The following FBXW7 variants were observed in gnomAD, a reference collection of about 807,000 sequenced individuals.
FBXW7 encodes F-box/WD repeat-containing protein 7.
Under a neutral mutation model 86.3 loss-of-function variants are expected in FBXW7, and 11 were observed. The ratio of observed to expected loss-of-function variants is 0.13; its 90% CI spans 0.08 to 0.21. FBXW7 has a LOEUF of 0.21. Among genes scored for constraint, FBXW7 ranks in the 10% least tolerant of loss-of-function variants. The pLI is 1.00. For missense variants in FBXW7, 488 were observed against 847.4 expected, an observed-to-expected ratio of 0.58 and a Z score of 5.27; for synonymous variants, 313 against 297.9, an observed-to-expected ratio of 1.05 and a Z score of -0.52.
At chr4:152,433,930 GA>G in intron 2 of FBXW7, among the ~76,000 whole-genome samples, 1 of 152,274 alleles carries the variant, frequency 6.6e-6, no homozygotes, top group Admixed American at 6.5e-5. Context: ...GGAAGTAACA[GA>G]ATACAGTTGT....
rs113907074 is a variant in FBXW7 at position 152,359,392 on chromosome 4, C to T, written c.502-9268G>A. Among the ~76,000 whole-genome samples, 101 of 151,974 alleles carry T rather than the reference C, an allele frequency of 6.6e-4. 1 individual carries two copies. The highest frequency in any genetic ancestry group is 1.2e-3 in the African/African-American group (51 of 41,460). On this transcript the variant is annotated intron_variant, in intron 4 of 13. Transcript: ENST00000281708. ...GAGGCAGGAGGATCATTTGAGGCTA[C>T]GAGTTCAAGACCAGCCTGGGCAATA...
chr4:152,400,669 C>T (rs1348860872), intron 4 of FBXW7, among the ~76,000 whole-genome samples: 1 of 152,038 alleles, frequency 6.6e-6, no homozygotes, highest in South Asian at 2.1e-4. Context: ...TTAGATACAA[C>T]AATACAATAC....
chr4:152,523,974 G>C (rs1296947130), intron 2 of FBXW7, among the ~76,000 whole-genome samples: 1 of 152,146 alleles, frequency 6.6e-6, no homozygotes, highest in Non-Finnish European at 1.5e-5. Context: ...ATAGTAACAC[G>C]TTCAGGAGCA....
At chr4:152,530,180 T>C (rs1169447217) in intron 2 of FBXW7, 1 of 151,926 alleles carries the variant, frequency 6.6e-6, no homozygotes, top group Non-Finnish European at 1.5e-5. Flanking sequence ...AGTACACATT[T>C]AAATGATTTA....
chr4:152,440,553 T>C (rs1338794912), intron 2 of FBXW7, among the ~76,000 whole-genome samples: 1 of 152,238 alleles, frequency 6.6e-6, no homozygotes, highest in South Asian at 2.1e-4. Context: ...TATTTAAGTT[T>C]ACCTGAAATT....
intron 7 of FBXW7, among the ~76,000 whole-genome samples, chr4:152,336,743 G>T (rs1238673838): frequency 6.6e-6 from 1 of 151,964 alleles, no homozygotes; most frequent in Non-Finnish European, 1.5e-5. Context: ...AGGAAGAAAA[G>T]ATTTTCTCCA....
At chr4:152,463,999 G>T (rs550227211) in intron 2 of FBXW7, among the ~76,000 whole-genome samples, 1 of 152,252 alleles carries the variant, frequency 6.6e-6, no homozygotes, top group South Asian at 2.1e-4. Context: ...AAAAAGACAG[G>T]AATGGATGAA....
At chr4:152,427,972 G>T (rs1462470016) in intron 2 of FBXW7, among the ~76,000 whole-genome samples, 1 of 152,120 alleles carries the variant, frequency 6.6e-6, no homozygotes, top group Non-Finnish European at 1.5e-5. Context: ...AAATTTTAAG[G>T]ACCATCGACC....
At chr4:152,479,338 T>A (rs1389098441) in intron 2 of FBXW7, among the ~76,000 whole-genome samples, 1 of 152,170 alleles carries the variant, frequency 6.6e-6, no homozygotes, top group Non-Finnish European at 1.5e-5. Flanking sequence ...AGTATCTTGA[T>A]GTTTTCTCAA....
At chr4:152,405,817 C>T (rs1054603137) in intron 4 of FBXW7, among the ~76,000 whole-genome samples, 5 of 151,760 alleles carry the variant, frequency 3.3e-5, no homozygotes, top group Non-Finnish European at 7.4e-5. Context: ...TATCCACTGA[C>T]CAGAAGATGG....
At chr4:152,323,557 T>G in intron 13 of FBXW7, 1 of 188,602 alleles carries the variant, frequency 5.3e-6, no homozygotes, top group Non-Finnish European at 1.1e-5. Context: ...ATTCCAAAAC[T>G]CTGAGGAGAG....
At chr4:152,367,706 TA>T (rs1419417850) in intron 4 of FBXW7, among the ~76,000 whole-genome samples, 7 of 152,152 alleles carry the variant, frequency 4.6e-5, no homozygotes, top group African/African-American at 1.7e-4. Context: ...TACACACTGA[TA>T]TCTAAATCTT....
At chr4:152,491,693 T>C (rs1020423829) in intron 2 of FBXW7, among the ~76,000 whole-genome samples, 10 of 152,150 alleles carry the variant, frequency 6.6e-5, no homozygotes, top group Non-Finnish European at 1.2e-4. Flanking sequence ...TGTTTAAGTG[T>C]CTTCGTAACT....
At chr4:152,350,357 A>G (rs1173042701) in intron 4 of FBXW7, among the ~76,000 whole-genome samples, 1 of 151,678 alleles carries the variant, frequency 6.6e-6, no homozygotes, top group African/African-American at 2.4e-5. Context: ...ACAGTGTGTG[A>G]TGATTTGAAA....
chr4:152,345,086 C>T (rs1731126002), intron 6 of FBXW7, among the ~76,000 whole-genome samples: 2 of 152,054 alleles, frequency 1.3e-5, no homozygotes, highest in South Asian at 4.1e-4. Flanking sequence ...ATATTCCTAC[C>T]TCTTTGGCTT....
intron 4 of FBXW7, among the ~76,000 whole-genome samples, chr4:152,363,246 A>C (rs1733158632): frequency 6.6e-6 from 1 of 152,206 alleles, no homozygotes; most frequent in Non-Finnish European, 1.5e-5. Flanking sequence ...GGGAGAAAAA[A>C]TTAAGCAGTG....
intron 2 of FBXW7, among the ~76,000 whole-genome samples, chr4:152,492,863 C>G (rs1371053905): frequency 6.6e-6 from 1 of 151,764 alleles, no homozygotes; most frequent in Admixed American, 6.6e-5. Flanking sequence ...GATTTGAACT[C>G]GTTTTTTTAA....
Position 152,535,931 on chromosome 4 carries a change from C to G in FBXW7, c.-1017G>C. 3.1e-6 allele frequency: 1 copy of G among 321,282 alleles called. No individual in the cohort carries two copies. The highest frequency in any genetic ancestry group is 5.0e-5 in the Admixed American group (1 of 20,080). The allele number at this position is 321,282 out of a possible 1,614,324, so 19.9% of individuals were successfully genotyped here. On this transcript the variant is annotated 5_prime_UTR_variant, in exon 1 of 14. Transcript: ENST00000281708. ...CGGCTCCCGCTGGCCCAGGTGAGAG[C>G]GAAGGTCTCGGCGGCGGCCAGTGCA...
At chr4:152,408,397 A>T (rs1737620650) in intron 4 of FBXW7, among the ~76,000 whole-genome samples, 1 of 152,236 alleles carries the variant, frequency 6.6e-6, no homozygotes, top group African/African-American at 2.4e-5. Flanking sequence ...AACTGAAGAG[A>T]CAGACATTTG....
Sources: allele counts gnomAD v4.1 joint callset (sites outside exome capture counted in the v4.1 genomes callset), GRCh38; gene constraint gnomAD v4.1.1; transcripts MANE v1.5; gene names NCBI Gene and HGNC (gene_info 2026-07-23, HGNC 2026-07-21).